The following ACOT7 variants were observed in gnomAD, a reference collection of about 807,000 sequenced individuals.
ACOT7 encodes the protein cytosolic acyl coenzyme A thioester hydrolase.
A neutral mutation model predicts 40.2 loss-of-function variants in ACOT7; 12 were observed. The ratio of observed to expected loss-of-function variants is 0.30; its 90% CI spans 0.19 to 0.48. ACOT7 has a LOEUF of 0.48. ACOT7 is among the 20% of genes least tolerant of loss of function. ACOT7 has a pLI of 0.99. For synonymous variants in ACOT7, 228 were observed against 219.5 expected (o/e 1.04, Z -0.34); for missense variants, 395 against 530.8 (o/e 0.74, Z 2.51).
intron 8 of ACOT7, among the ~76,000 whole-genome samples, chr1:6,265,463 CG>C (rs1385657141): frequency 1.3e-5 from 2 of 152,176 alleles, no homozygotes; most frequent in African/African-American, 4.8e-5. Context: ...ACTCAGGAGG[CG>C]GCACCTTGGA....
intron 8 of ACOT7, among the ~76,000 whole-genome samples, chr1:6,269,752 T>G (rs1490467199): frequency 6.6e-6 from 1 of 152,222 alleles, no homozygotes; most frequent in Non-Finnish European, 1.5e-5. Context: ...TGAGAGCCTG[T>G]GAGGGCCCCA....
chr1:6,280,052 C>T (rs913021224), intron 8 of ACOT7, among the ~76,000 whole-genome samples: 3 of 152,236 alleles, frequency 2.0e-5, no homozygotes, highest in African/African-American at 7.2e-5. Context: ...GGAGCAGACG[C>T]CGCGGGGGCA....
intron 6 of ACOT7, among the ~76,000 whole-genome samples, chr1:6,304,334 GAAAGA>G (rs1640057144): frequency 1.6e-5 from 2 of 128,194 alleles, no homozygotes; most frequent in African/African-American, 2.9e-5. Context: ...AAAAAAAAAA[GAAAGA>G]AAAGAAAAGA....
At position 6,393,308 on chromosome 1, in the gene ACOT7, G is replaced by C. The variant is rs753196905; in HGVS notation, c.92C>G (p.Pro31Arg). 1.6e-6 allele frequency: 2 copies of C among 1,283,184 alleles called. No individual in the cohort carries two copies. Among genetic ancestry groups the C allele is most frequent in the Non-Finnish European group, 2.0e-6 (2 of 1,014,776 alleles). The allele number at this position is 1,283,184 out of a possible 1,614,324, so 79.5% of individuals were successfully genotyped here. The part of the protein sequence containing the change: ...QPPAASAAAA[P>R]SMSGPDVETP... ...CTCGACGTCTGGGCCCGACATGCTGGGGGCTGCGGCGGCGGATGCGGCGGG... is the reference window on the plus strand; with the variant it reads ...CTCGACGTCTGGGCCCGACATGCTGCGGGCTGCGGCGGCGGATGCGGCGGG... Residue 31 changes from proline to arginine, a missense_variant, in exon 1 of 9, where the codon CCC (proline) becomes CGC (arginine). Physicochemically the swap from Pro to Arg is moderately radical, Grantham distance 103. Around this residue, in one of 2 missense-constraint regions of ACOT7, gnomAD observed 86 missense variants for 60.5 expected, o/e 1.42. Transcript: ENST00000361521.
chr1:6,289,682 T>G lies in ACOT7; in HGVS notation c.829+5182A>C, dbSNP rs993522383. Reference sequence around the variant, plus strand: ...AGCCACTGTGACCAGCCTGCTTTTTTTGTGTGTGTTTTGTTTTGTTTTGTT... The same window carrying G: ...AGCCACTGTGACCAGCCTGCTTTTTGTGTGTGTGTTTTGTTTTGTTTTGTT... On this transcript the variant is annotated intron_variant, in intron 7 of 8. Transcript: ENST00000361521. The surrounding 1 kb of genome is among the most constrained non-coding windows in gnomAD (Gnocchi z 4.6). 6.6e-6 allele frequency among the ~76,000 whole-genome samples: 1 copy of G among 151,660 alleles called. No individual in the cohort carries two copies. The highest frequency in any genetic ancestry group is 1.9e-4 in the East Asian group (1 of 5,164).
At chr1:6,342,682 C>T (rs955693372) in intron 2 of ACOT7, among the ~76,000 whole-genome samples, 5 of 152,154 alleles carry the variant, frequency 3.3e-5, no homozygotes, top group Non-Finnish European at 5.9e-5. Flanking sequence ...ATTGAACATT[C>T]TTCTTCTGTT....
intron 1 of ACOT7, among the ~76,000 whole-genome samples, chr1:6,374,877 C>T (rs991761062): frequency 1.6e-4 from 25 of 152,208 alleles, no homozygotes; most frequent in African/African-American, 6.0e-4. Flanking sequence ...CCAAGTTTGG[C>T]ATCTGCTGAA....
chr1:6,322,998 C>T (rs1243459798), intron 5 of ACOT7, among the ~76,000 whole-genome samples: 1 of 151,980 alleles, frequency 6.6e-6, no homozygotes, highest in African/African-American at 2.4e-5. Flanking sequence ...GGCATGGTGG[C>T]GGGTGCCTGT....
intron 4 of ACOT7, among the ~76,000 whole-genome samples, chr1:6,331,322 T>C (rs1640947429): frequency 1.3e-5 from 2 of 152,222 alleles, no homozygotes; most frequent in Non-Finnish European, 2.9e-5. Flanking sequence ...GGACGGGCCC[T>C]GAGCCCAGTG....
In ACOT7 at chr1:6,358,446, G is replaced by A. The variant is rs1411098249; in HGVS notation, c.144-8580C>T. On this transcript the variant is annotated intron_variant, in intron 1 of 8. Coordinates refer to ENST00000361521, the MANE Select transcript of ACOT7 (RefSeq NM_007274.4). This position sits in a 1 kb window ranked among gnomAD's most constrained non-coding sequence, Gnocchi z 4.1. ...CCCTCCACCGCAGGTAGGAAGCTCA[G>A]CAGCGCTGGGAAACCGCAGTGAACC... Among the ~76,000 whole-genome samples the A allele has an allele frequency of 1.3e-5, 2 of 152,208 alleles. No individual in the cohort carries two copies. The highest frequency in any genetic ancestry group is 2.4e-5 in the African/African-American group (1 of 41,452).
In ACOT7 at chr1:6,358,143, A is replaced by C. The variant is rs568552960; in HGVS notation, c.144-8277T>G. On this transcript the variant is annotated intron_variant, in intron 1 of 8. Transcript: ENST00000361521. The surrounding 1 kb of genome is among the most constrained non-coding windows in gnomAD (Gnocchi z 4.1). ...CTCGGCCTCCCAAAGTGCTGAGATTACAGGCGTGAGTCACAGAGTCTGGCC... is the reference window on the plus strand; with the variant it reads ...CTCGGCCTCCCAAAGTGCTGAGATTCCAGGCGTGAGTCACAGAGTCTGGCC... 1.8e-4 allele frequency among the ~76,000 whole-genome samples: 28 copies of C among 152,128 alleles called. 1 individual carries two copies. The South Asian group carries it at 5.8e-3, about 32-fold the overall frequency.
intron 5 of ACOT7, among the ~76,000 whole-genome samples, chr1:6,326,013 G>A (rs534317889): frequency 6.6e-6 from 1 of 152,190 alleles, no homozygotes; most frequent in Non-Finnish European, 1.5e-5. Flanking sequence ...AGAAAGCTGA[G>A]TAAGAAACTC....
intron 6 of ACOT7, among the ~76,000 whole-genome samples, chr1:6,316,851 T>C (rs1037995106): frequency 6.6e-6 from 1 of 152,092 alleles, no homozygotes; most frequent in African/African-American, 2.4e-5. Context: ...CTGAAAGTGA[T>C]TGGTGCCTCT....
intron 7 of ACOT7, among the ~76,000 whole-genome samples, chr1:6,287,830 G>A (rs1177411781): frequency 6.6e-6 from 1 of 152,168 alleles, no homozygotes; most frequent in Non-Finnish European, 1.5e-5. Flanking sequence ...AAAGAGCTGT[G>A]GCTGTTAACT....
At chr1:6,342,515 C>T (rs1641304582) in intron 2 of ACOT7, among the ~76,000 whole-genome samples, 1 of 152,226 alleles carries the variant, frequency 6.6e-6, no homozygotes, top group Non-Finnish European at 1.5e-5. Context: ...AATGCAATGG[C>T]TATTCACAGG....
At chr1:6,356,220 C>T (rs1362634246) in intron 1 of ACOT7, among the ~76,000 whole-genome samples, 2 of 152,232 alleles carry the variant, frequency 1.3e-5, no homozygotes, top group Non-Finnish European at 2.9e-5. Context: ...AGCAGCCTCC[C>T]GTCAAACCTT....
chr1:6,326,165 A>T (rs1346087726), intron 5 of ACOT7, among the ~76,000 whole-genome samples: 2 of 152,200 alleles, frequency 1.3e-5, no homozygotes, highest in Non-Finnish European at 2.9e-5. Context: ...GCAGGGAGGC[A>T]GAGAAGCACA....
chr1:6,310,284 G>A (rs149671070), intron 6 of ACOT7, among the ~76,000 whole-genome samples: 2 of 152,214 alleles, frequency 1.3e-5, no homozygotes, highest in African/African-American at 4.8e-5. Flanking sequence ...CACACTCAGG[G>A]GCAGGTGAAA....
chr1:6,382,144 T>C (rs2148480698), intron 1 of ACOT7, among the ~76,000 whole-genome samples: 1 of 144,994 alleles, frequency 6.9e-6, no homozygotes, highest in East Asian at 2.0e-4. Context: ...CCGGGCGCGG[T>C]GGCTCACGCG....
Sources: gnomAD v4.1 joint callset for allele counts (sites outside exome capture counted in the v4.1 genomes callset) on GRCh38, gnomAD v4.1.1 for gene constraint, gnomAD v4.1.1 regional missense constraint, Gnocchi (gnomAD v3.1) non-coding constraint, MANE v1.5 for transcripts, NCBI Gene and HGNC (gene_info 2026-07-23, HGNC 2026-07-21) for gene names.